Variants in RAB37 observed in about 807,000 individuals in gnomAD.
RAB37 encodes the protein ras-related protein Rab-37.
Under a neutral mutation model 33.1 loss-of-function variants are expected in RAB37, and 29 were observed. That is an observed-to-expected ratio of 0.88 (90% confidence interval 0.65 to 1.20). RAB37 has a LOEUF of 1.20. RAB37 is among the 50% of genes most tolerant of loss of function. The pLI is 0.00. For synonymous variants in RAB37, 128 were observed against 119.5 expected (o/e 1.07, Z -0.47); for missense variants, 299 against 301.1 (o/e 0.99, Z 0.05).
chr17:74,696,175 G>A (rs983331953), intron 1 of RAB37: 17 of 1,597,454 alleles, frequency 1.1e-5, no homozygotes, highest in African/African-American at 2.7e-5. Context: ...TCTCTGGTCC[G>A]ACCTTGGGGG....
intron 5 of RAB37, among the ~76,000 whole-genome samples, chr17:74,743,598 C>T (rs1460579726): frequency 6.6e-6 from 1 of 152,160 alleles, no homozygotes; most frequent in African/African-American, 2.4e-5. Flanking sequence ...TGTTTCGTGA[C>T]AAAGTGTTCA....
intron 1 of RAB37, among the ~76,000 whole-genome samples, chr17:74,700,902 G>A (rs955666195): frequency 2.0e-5 from 3 of 151,758 alleles, no homozygotes; most frequent in Non-Finnish European, 4.4e-5. Context: ...AGGTGATTGA[G>A]GTTAAGTGAG....
At position 74,728,940 on chromosome 17, in the gene RAB37, G is replaced by A. The variant is rs550701084; in HGVS notation, c.73-316G>A. Among the ~76,000 whole-genome samples the A allele has an allele frequency of 4.4e-3, 662 of 151,066 alleles. 2 individuals are homozygous for A. The highest frequency in any genetic ancestry group is 0.015 in the African/African-American group (613 of 41,058). On this transcript the variant is annotated intron_variant, in intron 1 of 7. Transcript: ENST00000340415. ...TCTTGTGCATGTATGTTTCTGTGTC[G>A]TGTGTGTTCTGTGTGTATGTGTTGT...
Position 74,743,407 on chromosome 17 carries a change from T to C in RAB37, c.366+67T>C, listed in dbSNP as rs557381423. The C allele has an allele frequency of 2.7e-5, 42 of 1,529,882 alleles. 1 individual carries two copies. Among genetic ancestry groups the C allele is most frequent in the East Asian group, 1.6e-4 (7 of 44,456 alleles). 94.8% of individuals were successfully genotyped at this position (1,529,882 alleles called of 1,614,324 possible). A position where few individuals can be genotyped will look rare whatever the true frequency, so the allele number is the denominator to read the frequency against. ...AGGCAAGGTCTATGCAGGCTGGGGT[T>C]GCTTCCTGCCCTGTGGAAAGCGGGT... On this transcript the variant is annotated intron_variant, in intron 5 of 8. Transcript: ENST00000392613.
intron 1 of RAB37, among the ~76,000 whole-genome samples, chr17:74,706,035 CT>C (rs1413199441): frequency 2.6e-5 from 4 of 152,016 alleles, no homozygotes; most frequent in African/African-American, 4.8e-5. Flanking sequence ...TAAGTGGGAG[CT>C]AAACATTGGT....
intron 1 of RAB37, among the ~76,000 whole-genome samples, chr17:74,715,880 A>C (rs1259325963): frequency 6.6e-6 from 1 of 152,078 alleles, no homozygotes; most frequent in Non-Finnish European, 1.5e-5. Flanking sequence ...AATACAAAAA[A>C]TTAGCCGGGC....
At chr17:74,715,831 C>T (rs1773254977) in intron 1 of RAB37, among the ~76,000 whole-genome samples, 1 of 152,172 alleles carries the variant, frequency 6.6e-6, no homozygotes, top group Admixed American at 6.5e-5. Context: ...AGTTCAGGAC[C>T]AGCCTGGCCA....
intron 1 of RAB37, among the ~76,000 whole-genome samples, chr17:74,706,976 C>T (rs2033574139): frequency 6.6e-6 from 1 of 152,146 alleles, no homozygotes; most frequent in African/African-American, 2.4e-5. Context: ...ACAACATATA[C>T]AAAAATCAAC....
In RAB37 at chr17:74,744,958, A is replaced by G; in HGVS notation, c.489+29A>G. 3 of 1,614,220 alleles carry G rather than the reference A, an allele frequency of 1.9e-6. No individual in the cohort carries two copies. Among genetic ancestry groups the G allele is most frequent in the Non-Finnish European group, 2.5e-6 (3 of 1,180,010 alleles). On this transcript the variant is annotated intron_variant, in intron 7 of 8. Transcript: ENST00000392613. This position sits in a 1 kb window ranked among gnomAD's most constrained non-coding sequence, Gnocchi z 4.2. ...AGTGATTGTCTGTGGGACAGGGTGA[A>G]GGGTGGGGGCAACCCGACGCTGGCC...
chr17:74,703,198 C>T (rs945515303), intron 1 of RAB37: 10 of 1,419,816 alleles, frequency 7.0e-6, no homozygotes, highest in African/African-American at 2.8e-5. Context: ...GCCCATGAGC[C>T]CACCCGCAGC....
chr17:74,740,718 C>G, intron 1 of RAB37, 50 bp from the exon 2 acceptor site: 1 of 1,285,498 alleles, frequency 7.8e-7, no homozygotes, highest in Middle Eastern at 1.8e-4. Flanking sequence ...CCTGGAATCC[C>G]AGAAGCTGCC....
chr17:74,681,350 G>A (rs1427408281), intron 1 of RAB37, among the ~76,000 whole-genome samples: 2 of 152,238 alleles, frequency 1.3e-5, no homozygotes, highest in Non-Finnish European at 2.9e-5. Flanking sequence ...CTGAAGGTCA[G>A]AGGGCTCTGA....
rs551211789 is a variant in RAB37, at chr17:74,684,899, A to C, written c.72+13241A>C. Among the ~76,000 whole-genome samples the C allele has an allele frequency of 1.3e-3, 196 of 148,086 alleles. 1 individual carries two copies. Among genetic ancestry groups the C allele is most frequent in the Middle Eastern group, 0.011 (3 of 282 alleles). On this transcript the variant is annotated intron_variant, in intron 1 of 7. Coordinates refer to the RAB37 transcript ENST00000340415. Reference sequence around the variant, plus strand: ...TAGATAGATAGATAGATAGATAGATAGATCCATCATAGGAATTTTGTTATA... The same window carrying C: ...TAGATAGATAGATAGATAGATAGATCGATCCATCATAGGAATTTTGTTATA...
At chr17:74,690,023 C>T (rs1365713719) in intron 1 of RAB37, among the ~76,000 whole-genome samples, 1 of 152,160 alleles carries the variant, frequency 6.6e-6, no homozygotes, top group East Asian at 1.9e-4. Context: ...ACCATCTCGG[C>T]TCACTGCAGC....
rs1199906089 is a variant in RAB37, at chr17:74,730,387, G to A, written c.183+1021G>A. Among the ~76,000 whole-genome samples, 2 of 152,214 alleles carry A rather than the reference G, an allele frequency of 1.3e-5. No individual in the cohort carries two copies. The highest frequency in any genetic ancestry group is 2.4e-5 in the African/African-American group (1 of 41,454). Reference sequence around the variant, plus strand: ...TCAGAAAAATGGGCTTGCCCACTGGGTCACAGCCAGGAAGGCAGGGGTTCA... The same window carrying A: ...TCAGAAAAATGGGCTTGCCCACTGGATCACAGCCAGGAAGGCAGGGGTTCA... On this transcript the variant is annotated intron_variant, in intron 2 of 7. Coordinates refer to the RAB37 transcript ENST00000340415. This position sits in a 1 kb window ranked among gnomAD's most constrained non-coding sequence, Gnocchi z 4.4.
intron 1 of RAB37, among the ~76,000 whole-genome samples, chr17:74,690,209 C>G (rs947699902): frequency 6.6e-6 from 1 of 152,126 alleles, no homozygotes; most frequent in Non-Finnish European, 1.5e-5. Context: ...GATCACCCAC[C>G]TTGGCTTCCC....
At chr17:74,727,240 G>A (rs2034317225) in intron 1 of RAB37, among the ~76,000 whole-genome samples, 1 of 152,238 alleles carries the variant, frequency 6.6e-6, no homozygotes, top group East Asian at 1.9e-4. Flanking sequence ...CTCCCACACA[G>A]GAGATCTATG....
chr17:74,689,226 T>G (rs1567777018), intron 1 of RAB37, among the ~76,000 whole-genome samples: 1 of 152,070 alleles, frequency 6.6e-6, no homozygotes, highest in African/African-American at 2.4e-5. Context: ...GCAGATCACC[T>G]GAGGTCAGAA....
intron 1 of RAB37, among the ~76,000 whole-genome samples, chr17:74,723,648 G>A (rs778967312): frequency 3.4e-5 from 5 of 148,194 alleles, no homozygotes; most frequent in African/African-American, 7.5e-5. Flanking sequence ...GCGTGGTCTC[G>A]GCTCACCACA....
Sources: allele counts gnomAD v4.1 joint callset (sites outside exome capture counted in the v4.1 genomes callset), GRCh38; gene constraint gnomAD v4.1.1; non-coding constraint Gnocchi (gnomAD v3.1); transcripts MANE v1.5; gene names NCBI Gene and HGNC (gene_info 2026-07-23, HGNC 2026-07-21).